Variants in CLIC5 observed in about 807,000 individuals in gnomAD.
CLIC5 encodes the protein CLIC family member 5.
CLIC5 carries 20 observed loss-of-function variants against 24.7 expected under a neutral mutation model. The observed-to-expected ratio is 0.81, with a 90% CI of 0.57 to 1.18. CLIC5 has a LOEUF of 1.18. Among genes scored for constraint, CLIC5 ranks in the 50% most tolerant of loss-of-function variants. The pLI, the probability that CLIC5 is intolerant of heterozygous loss-of-function variation, is 0.00. For missense variants in CLIC5, 341 were observed against 326.1 expected (o/e 1.05, Z -0.35); for synonymous variants, 159 against 135.6 (o/e 1.17, Z -1.20).
chr6:46,109,446 G>T, the CLIC5 span, among the ~76,000 whole-genome samples: 2 of 145,424 alleles, frequency 1.4e-5, no homozygotes, highest in Non-Finnish European at 3.0e-5. Flanking sequence ...TTGGGAGGCC[G>T]AGGCGGGTGC....
the CLIC5 span, among the ~76,000 whole-genome samples, chr6:46,110,554 C>T: frequency 7.9e-5 from 12 of 152,210 alleles, no homozygotes; most frequent in South Asian, 2.5e-3. Flanking sequence ...CAGGTATGAC[C>T]AGACTGCTTT....
At chr6:46,002,986 A>G (rs995094009) in intron 1 of CLIC5, among the ~76,000 whole-genome samples, 1 of 152,210 alleles carries the variant, frequency 6.6e-6, no homozygotes, top group Non-Finnish European at 1.5e-5. Context: ...GGGTAAAATG[A>G]GGCAGGAGAG....
At chr6:45,881,218 T>C (rs1009391334) in intron 6 of CLIC5, 2 of 398,276 alleles carry the variant, frequency 5.0e-6, no homozygotes, top group Admixed American at 8.8e-5. Flanking sequence ...AGGATTTGAG[T>C]TGGAGCCAAT....
intron 1 of CLIC5, among the ~76,000 whole-genome samples, chr6:46,040,399 G>A (rs1397350139): frequency 6.6e-6 from 1 of 152,154 alleles, no homozygotes; most frequent in Non-Finnish European, 1.5e-5. Context: ...AGGCTTGGTG[G>A]TGGTACAGAT....
At chr6:45,991,047 C>T (rs1477395772) in intron 1 of CLIC5, among the ~76,000 whole-genome samples, 1 of 152,220 alleles carries the variant, frequency 6.6e-6, no homozygotes, top group Non-Finnish European at 1.5e-5. Flanking sequence ...CTGCAGCAGA[C>T]AGACCCTAAA....
At chr6:46,033,666 G>A (rs187939387) in intron 1 of CLIC5, among the ~76,000 whole-genome samples, 32 of 152,312 alleles carry the variant, frequency 2.1e-4, no homozygotes, top group Admixed American at 1.6e-3. Context: ...GCAGAGAGAA[G>A]AAACACCAAA....
At chr6:46,121,973 T>C in the CLIC5 span, among the ~76,000 whole-genome samples, 10 of 152,026 alleles carry the variant, frequency 6.6e-5, no homozygotes, top group Non-Finnish European at 1.2e-4. Flanking sequence ...TCCCACACAA[T>C]AATAATGGGA....
At position 45,920,300 on chromosome 6, in the gene CLIC5, T is replaced by C. The variant is rs1763204194; in HGVS notation, c.407-5891A>G. ...CTCTGCCTGTACTAGGGGCCAGTGC[T>C]GTCACACGGGCTGTGTGACAATGAA... On this transcript the variant is annotated intron_variant, in intron 4 of 5. Coordinates refer to ENST00000339561, the MANE Select transcript of CLIC5 (RefSeq NM_016929.5). 7 of 983,782 alleles carry C rather than the reference T, an allele frequency of 7.1e-6. No individual in the cohort carries two copies. The South Asian group carries it at 2.8e-4, about 40-fold the overall frequency. 60.9% of individuals were successfully genotyped at this position (983,782 alleles called of 1,614,324 possible). A position where few individuals can be genotyped will look rare whatever the true frequency, so the allele number is the denominator to read the frequency against.
At chr6:45,929,695 G>A (rs1763651895) in intron 4 of CLIC5, among the ~76,000 whole-genome samples, 1 of 152,198 alleles carries the variant, frequency 6.6e-6, no homozygotes, top group Admixed American at 6.5e-5. Flanking sequence ...AAGATGGCCT[G>A]ATAACAGCCC....
chr6:45,995,329 C>T (rs189641549), intron 1 of CLIC5, among the ~76,000 whole-genome samples: 1 of 152,340 alleles, frequency 6.6e-6, no homozygotes, highest in East Asian at 1.9e-4. Flanking sequence ...TGTTAGCTGT[C>T]ATTACTATTA....
rs375211610 is a variant in CLIC5 at position 46,076,601 on chromosome 6, GA to G, written c.540+3101del. On this transcript the variant is annotated intron_variant, in intron 1 of 5. Transcript: ENST00000185206. ...AAATTCTCCCCAGAGCCTCCAGAAG[GA>G]AAACAGCTCTGCTGACACCTTGAGT... is the stretch of plus-strand genomic sequence containing the variant. Among the ~76,000 whole-genome samples the G allele has an allele frequency of 1.1e-4, 16 of 152,244 alleles. No individual in the cohort carries two copies. In the East Asian group the frequency reaches 2.9e-3, roughly 28 times the overall value.
downstream of CLIC5, among the ~76,000 whole-genome samples, chr6:45,895,396 G>A (rs971208221): frequency 2.6e-5 from 4 of 152,102 alleles, no homozygotes; most frequent in African/African-American, 7.2e-5. Context: ...CATTTTTTCA[G>A]CCAGACAGAT....
At chr6:45,910,808 A>G (rs1179444787) in intron 5 of CLIC5, among the ~76,000 whole-genome samples, 2 of 152,220 alleles carry the variant, frequency 1.3e-5, no homozygotes, top group African/African-American at 2.4e-5. Context: ...AGGTTCTGCC[A>G]AGAGGAGTTA....
At chr6:45,998,766 C>G (rs1190520177) in intron 1 of CLIC5, among the ~76,000 whole-genome samples, 1 of 152,144 alleles carries the variant, frequency 6.6e-6, no homozygotes, top group Non-Finnish European at 1.5e-5. Context: ...AAAGGCCAAG[C>G]CCACAGCTCC....
intron 1 of CLIC5, among the ~76,000 whole-genome samples, chr6:45,992,160 C>T (rs1765965141): frequency 6.6e-6 from 1 of 152,200 alleles, no homozygotes; most frequent in South Asian, 2.1e-4. Context: ...CAGGTGCTCA[C>T]ACCTATAAAG....
chr6:45,957,589 C>A (rs907732546), intron 1 of CLIC5, among the ~76,000 whole-genome samples: 2 of 152,262 alleles, frequency 1.3e-5, no homozygotes, highest in Non-Finnish European at 2.9e-5. Context: ...ATCAGCTATG[C>A]CAGGAGCATA....
intron 1 of CLIC5, among the ~76,000 whole-genome samples, chr6:46,028,607 C>G (rs1767408360): frequency 6.6e-6 from 1 of 152,130 alleles, no homozygotes; most frequent in Non-Finnish European, 1.5e-5. Flanking sequence ...TGCTTCTAAG[C>G]CATGTATGAT....
chr6:45,941,773 G>A (rs1764140566), intron 3 of CLIC5, 120 bp from the exon 4 acceptor site: 1 of 810,090 alleles, frequency 1.2e-6, no homozygotes, highest in East Asian at 2.6e-5. Flanking sequence ...AAATGTTTTG[G>A]GGGTCTTTAT....
chr6:46,084,185 G>C (rs1762982524), upstream of CLIC5, among the ~76,000 whole-genome samples: 1 of 152,014 alleles, frequency 6.6e-6, no homozygotes, highest in Non-Finnish European at 1.5e-5. Flanking sequence ...ATGTGAGATG[G>C]GTTTCCTGAA....
Sources: gnomAD v4.1 joint callset for allele counts (sites outside exome capture counted in the v4.1 genomes callset) on GRCh38, gnomAD v4.1.1 for gene constraint, MANE v1.5 for transcripts, NCBI Gene and HGNC (gene_info 2026-07-23, HGNC 2026-07-21) for gene names.